The following PXDN variants were observed in gnomAD, a reference collection of about 807,000 sequenced individuals.
PXDN encodes peroxidasin homolog.
Under a neutral mutation model 140.3 loss-of-function variants are expected in PXDN, and 77 were observed. The ratio of observed to expected loss-of-function variants is 0.55; its 90% CI spans 0.46 to 0.66. The LOEUF (loss-of-function observed/expected upper bound fraction) is 0.66, where lower values mean the gene tolerates loss of function less well. Among genes scored for constraint, PXDN ranks in the 30% least tolerant of loss-of-function variants. The pLI is 0.00. For synonymous variants in PXDN, 911 were observed against 857.4 expected (o/e 1.06, Z -1.09); for missense variants, 1,838 against 2,039.5 (o/e 0.90, Z 1.90).
chr2:1,687,483 G>C lies in PXDN; in HGVS notation c.416+149C>G. On this transcript the variant is annotated intron_variant, in intron 4 of 22. Coordinates refer to ENST00000252804, the MANE Select transcript of PXDN (RefSeq NM_012293.3). The surrounding 1 kb of genome is among the most constrained non-coding windows in gnomAD (Gnocchi z 4.0). ...GAGGGCAAATGACTCGCCCATCCCT[G>C]TTTTTCCGTCATCATGCACGTACTC... 1 of 520,474 alleles carries C rather than the reference G, an allele frequency of 1.9e-6. No individual in the cohort carries two copies. The allele number at this position is 520,474 out of a possible 1,614,324, so 32.2% of individuals were successfully genotyped here. A position where few individuals can be genotyped will look rare whatever the true frequency, so the allele number is the denominator to read the frequency against.
intron 16 of PXDN, among the ~76,000 whole-genome samples, chr2:1,652,234 T>C (rs189509281): frequency 6.6e-6 from 1 of 152,300 alleles, no homozygotes; most frequent in Admixed American, 6.5e-5. Flanking sequence ...CTTGCTGGGC[T>C]GCCACAGTAA....
rs779826415 is a variant in PXDN, at chr2:1,744,417, C to G, written c.39G>C (p.Leu13=). 3.3e-6 allele frequency: 5 copies of G among 1,507,808 alleles called. No homozygotes were observed. In the African/African-American group the frequency reaches 7.2e-5, roughly 22 times the overall value. The allele number at this position is 1,507,808 out of a possible 1,614,324, so 93.4% of individuals were successfully genotyped here. The stretch of plus-strand genomic sequence containing the variant: ...AGGCGCAGAACAGCACGAGCGCCAA[C>G]AGGCAGCGGCGCCCGGGGCCCCTGG... ...KRSRGPGRRC[L]LALVLFCAWG... Residue 13 remains leucine, a synonymous_variant, in exon 1 of 23, where the codon CTG becomes CTC. Coordinates refer to ENST00000252804, the MANE Select transcript of PXDN (RefSeq NM_012293.3).
Position 1,639,172 on chromosome 2 carries a change from C to G in PXDN, c.4073+130G>C. 1.3e-6 allele frequency: 2 copies of G among 1,494,410 alleles called. No homozygotes were observed. Among genetic ancestry groups the G allele is most frequent in the South Asian group, 2.6e-5 (2 of 76,878 alleles). 92.6% of individuals were successfully genotyped at this position (1,494,410 alleles called of 1,614,324 possible). ...AGGACGCAGGCTGCGGCCTGGCCCC[C>G]AGTGCCCTGGGACGTCCCTGCCAGG... On this transcript the variant is annotated intron_variant, in intron 20 of 22. Coordinates refer to ENST00000252804, the MANE Select transcript of PXDN (RefSeq NM_012293.3). The surrounding 1 kb of genome is among the most constrained non-coding windows in gnomAD (Gnocchi z 5.0).
intron 14 of PXDN, among the ~76,000 whole-genome samples, chr2:1,656,134 C>T (rs1243014792): frequency 6.6e-6 from 1 of 151,796 alleles, no homozygotes; most frequent in Non-Finnish European, 1.5e-5. Context: ...CACACAAACA[C>T]ACAACATACA....
intron 1 of PXDN, among the ~76,000 whole-genome samples, chr2:1,700,276 G>A (rs1684394162): frequency 6.6e-6 from 1 of 152,010 alleles, no homozygotes; most frequent in Non-Finnish European, 1.5e-5. Flanking sequence ...TGGCCAGGCT[G>A]GTCTCCAACT....
chr2:1,709,321 G>A (rs11696016), intron 1 of PXDN, among the ~76,000 whole-genome samples: 52,724 of 152,056 alleles, frequency 0.35, 10,526 homozygotes, highest in Non-Finnish European at 0.45. Flanking sequence ...ATGGCTGCAG[G>A]GTCAGAGAGG....
rs1418827256 is a variant in PXDN, at chr2:1,639,160, C to T, written c.4073+142G>A. 6 of 1,481,552 alleles carry T rather than the reference C, an allele frequency of 4.0e-6. No homozygotes were observed. The highest frequency in any genetic ancestry group is 4.8e-5 in the East Asian group (2 of 41,530). The allele number at this position is 1,481,552 out of a possible 1,614,324, so 91.8% of individuals were successfully genotyped here. ...GGGCAGCACAGCAGGACGCAGGCTG[C>T]GGCCTGGCCCCCAGTGCCCTGGGAC... On this transcript the variant is annotated intron_variant, in intron 20 of 22. Coordinates refer to ENST00000252804, the MANE Select transcript of PXDN (RefSeq NM_012293.3). The surrounding 1 kb of genome is among the most constrained non-coding windows in gnomAD (Gnocchi z 5.0).
At chr2:1,725,061 C>G (rs1253732208) in intron 1 of PXDN, among the ~76,000 whole-genome samples, 1 of 152,166 alleles carries the variant, frequency 6.6e-6, no homozygotes, top group East Asian at 1.9e-4. Context: ...TAGTTTTTAG[C>G]ATTCAGTTAT....
rs1396624833 is a variant in PXDN, at chr2:1,660,155, G to T, written c.1837+726C>A. On this transcript the variant is annotated intron_variant, in intron 14 of 22. Coordinates refer to ENST00000252804, the MANE Select transcript of PXDN (RefSeq NM_012293.3). The surrounding 1 kb of genome is among the most constrained non-coding windows in gnomAD (Gnocchi z 4.6). Reference sequence around the variant, plus strand: ...TGTGAAGACTCCATGCAAAGCTAAAGGGTGTGAGTGTCACCCTGGTGGCCA... The same window carrying T: ...TGTGAAGACTCCATGCAAAGCTAAATGGTGTGAGTGTCACCCTGGTGGCCA... Among the ~76,000 whole-genome samples, 1 of 152,202 alleles carries T rather than the reference G, an allele frequency of 6.6e-6. No homozygotes were observed. Among genetic ancestry groups the T allele is most frequent in the Non-Finnish European group, 1.5e-5 (1 of 68,032 alleles).
intron 1 of PXDN, among the ~76,000 whole-genome samples, chr2:1,705,235 G>A (rs889507362): frequency 7.2e-5 from 11 of 152,240 alleles, no homozygotes; most frequent in South Asian, 6.2e-4. Flanking sequence ...GAGGCAGACC[G>A]GCTCAGTTCA....
intron 5 of PXDN, 89 bp from the exon 6 acceptor site, chr2:1,683,816 G>C (rs1047765999): frequency 5.6e-6 from 6 of 1,062,278 alleles, no homozygotes; most frequent in Non-Finnish European, 8.1e-6. Flanking sequence ...ATATATATCA[G>C]CTTTAAAAAA....
intron 5 of PXDN, 80 bp from the exon 6 acceptor site, chr2:1,683,807 T>C (rs1683979342): frequency 8.9e-7 from 1 of 1,125,242 alleles, no homozygotes; most frequent in South Asian, 1.5e-5. Context: ...AGCAGTCAAA[T>C]ATATATCAGC....
At chr2:1,731,179 C>CACACAA (rs60396503) in intron 1 of PXDN, among the ~76,000 whole-genome samples, 6,214 of 149,076 alleles carry the variant, frequency 0.042, 155 homozygotes, top group Non-Finnish European at 0.055. Context: ...CACACACACA[C>CACACAA]ATGAACTAGT....
In PXDN at chr2:1,683,736, A is replaced by G. The variant is rs778750283; in HGVS notation, c.489-9T>C. The G allele has an allele frequency of 6.3e-7, 1 of 1,594,206 alleles. No homozygotes were observed. Among genetic ancestry groups the G allele is most frequent in the Non-Finnish European group, 8.5e-7 (1 of 1,171,528 alleles). On this transcript the variant is annotated splice_polypyrimidine_tract_variant and intron_variant, in intron 5 of 22. Coordinates refer to ENST00000252804, the MANE Select transcript of PXDN (RefSeq NM_012293.3). ...GGTTGTTATGCAAAAATCTGTTGAA[A>G]GAGATTTTATAACAAACCAATTTTG...
intron 1 of PXDN, among the ~76,000 whole-genome samples, chr2:1,732,404 T>A (rs556049864): frequency 1.3e-5 from 2 of 151,468 alleles, no homozygotes; most frequent in African/African-American, 4.9e-5. Context: ...GGAGTAGGGA[T>A]CACAGGGTCA....
intron 9 of PXDN, among the ~76,000 whole-genome samples, chr2:1,668,288 AC>A (rs1196650502): frequency 2.0e-5 from 3 of 152,236 alleles, no homozygotes; most frequent in Non-Finnish European, 4.4e-5. Context: ...TACACCTTAT[AC>A]AAAAATTAAC....
In PXDN at chr2:1,744,510, G is replaced by T. The variant is rs995408417; in HGVS notation, c.-55C>A. 1 of 1,312,726 alleles carries T rather than the reference G, an allele frequency of 7.6e-7. No homozygotes were observed. Among genetic ancestry groups the T allele is most frequent in the Non-Finnish European group, 9.7e-7 (1 of 1,036,072 alleles). 81.3% of individuals were successfully genotyped at this position (1,312,726 alleles called of 1,614,324 possible). On this transcript the variant is annotated 5_prime_UTR_variant, in exon 1 of 23. Transcript: ENST00000252804. ...CACGGAGCCACCACGGCCGGCTCCC[G>T]ACTGCGCCCGCCCGGCCGCGGCCCA... is the stretch of plus-strand genomic sequence containing the variant.
chr2:1,674,680 T>C lies in PXDN; in HGVS notation c.849-868A>G, dbSNP rs577209911. On this transcript the variant is annotated intron_variant, in intron 8 of 22. Coordinates refer to ENST00000252804, the MANE Select transcript of PXDN (RefSeq NM_012293.3). ...GCAGGTGAAGAGGAGAGAGGTGACATTGGATGCCACTGAGATCCCAGTCTA... is the reference window on the plus strand; with the variant it reads ...GCAGGTGAAGAGGAGAGAGGTGACACTGGATGCCACTGAGATCCCAGTCTA... 3.9e-5 allele frequency among the ~76,000 whole-genome samples: 6 copies of C among 152,190 alleles called. No homozygotes were observed. The East Asian group carries it at 5.8e-4, about 15-fold the overall frequency.
intron 9 of PXDN, among the ~76,000 whole-genome samples, chr2:1,671,675 G>A (rs1028240334): frequency 1.7e-4 from 26 of 152,112 alleles, no homozygotes; most frequent in African/African-American, 6.0e-4. Context: ...TCAGGATACT[G>A]GGTGCGATAT....
Sources: gnomAD v4.1 joint callset for allele counts (sites outside exome capture counted in the v4.1 genomes callset) on GRCh38, gnomAD v4.1.1 for gene constraint, Gnocchi (gnomAD v3.1) non-coding constraint, MANE v1.5 for transcripts, NCBI Gene and HGNC (gene_info 2026-07-23, HGNC 2026-07-21) for gene names.